CIRSR: variants seen among roughly 807,000 people sequenced by gnomAD.
The protein encoded by CIRSR is CBF1 (RBPJ) interacting corepressor 1.
At chr2:174,392,456 G>T in the CIRSR span, among the ~76,000 whole-genome samples, 1 of 152,216 alleles carries the variant, frequency 6.6e-6, no homozygotes, top group Non-Finnish European at 1.5e-5. Context: ...AATGAAAAAT[G>T]ACTATTCTGA....
chr2:174,380,611 A>T, the CIRSR span: 1 of 1,552,172 alleles, frequency 6.4e-7, no homozygotes, highest in Non-Finnish European at 8.8e-7. Flanking sequence ...ATGTAAACTT[A>T]ATGATACATA....
At chr2:174,363,919 A>G in the CIRSR span, among the ~76,000 whole-genome samples, 2 of 152,184 alleles carry the variant, frequency 1.3e-5, no homozygotes, top group African/African-American at 4.8e-5. Flanking sequence ...CCCTTCCCCA[A>G]TCTCACATCC....
At chr2:174,369,969 T>C in the CIRSR span, 1 of 1,364,338 alleles carries the variant, frequency 7.3e-7, no homozygotes. Flanking sequence ...CTGATAGATT[T>C]GCTCAGCACA....
the CIRSR span, chr2:174,351,731 C>G: frequency 1.2e-6 from 2 of 1,606,854 alleles, no homozygotes; most frequent in Non-Finnish European, 1.7e-6. Context: ...TGGCCCTGTT[C>G]ACAAAAATCA....
At chr2:174,378,373 T>C in the CIRSR span, among the ~76,000 whole-genome samples, 4 of 152,218 alleles carry the variant, frequency 2.6e-5, no homozygotes, top group Non-Finnish European at 2.9e-5. Flanking sequence ...AAAGCACTAA[T>C]AAATTTAAGT....
At chr2:174,349,109 C>T in the CIRSR span, 119 of 1,511,800 alleles carry the variant, frequency 7.9e-5, no homozygotes, top group Non-Finnish European at 1.0e-4. Context: ...TACTTCTGCT[C>T]TTCTGAAACT....
chr2:174,370,908 C>T, the CIRSR span, among the ~76,000 whole-genome samples: 32 of 68,178 alleles, frequency 4.7e-4, no homozygotes, highest in African/African-American at 1.3e-3. Flanking sequence ...GAGACTCCGT[C>T]TCAAAAAAAA....
chr2:174,355,242 A>C, the CIRSR span, among the ~76,000 whole-genome samples: 1 of 152,318 alleles, frequency 6.6e-6, no homozygotes, highest in African/African-American at 2.4e-5. Context: ...TTACACAAAT[A>C]TGTTCAAATG....
the CIRSR span, chr2:174,380,668 T>C: frequency 5.6e-6 from 9 of 1,612,322 alleles, no homozygotes; most frequent in Non-Finnish European, 7.6e-6. Context: ...GTGGGGCTCC[T>C]TTCTGCCATT....
chr2:174,367,889 A>C, the CIRSR span, among the ~76,000 whole-genome samples: 1 of 152,156 alleles, frequency 6.6e-6, no homozygotes, highest in Non-Finnish European at 1.5e-5. Context: ...AAAAAGATAT[A>C]CCATGCTAAC....
At chr2:174,390,623 G>A in the CIRSR span, among the ~76,000 whole-genome samples, 1 of 152,176 alleles carries the variant, frequency 6.6e-6, no homozygotes, top group African/African-American at 2.4e-5. Context: ...GGGCTGGGGT[G>A]GAATGGTATG....
chr2:174,380,613 T>C, the CIRSR span: 1 of 1,557,574 alleles, frequency 6.4e-7, no homozygotes. Context: ...GTAAACTTAA[T>C]GATACATATC....
chr2:174,372,382 G>A, the CIRSR span, among the ~76,000 whole-genome samples: 5 of 151,908 alleles, frequency 3.3e-5, no homozygotes, highest in African/African-American at 1.2e-4. Flanking sequence ...TTTTCTAAAA[G>A]TATCTGTCTC....
At chr2:174,355,940 G>A in the CIRSR span, among the ~76,000 whole-genome samples, 4 of 151,880 alleles carry the variant, frequency 2.6e-5, no homozygotes, top group Non-Finnish European at 4.4e-5. Flanking sequence ...CAAACACTAG[G>A]TCCATCTGCT....
the CIRSR span, among the ~76,000 whole-genome samples, chr2:174,351,272 A>G: frequency 2.4e-4 from 37 of 152,242 alleles, no homozygotes; most frequent in East Asian, 6.4e-3. Flanking sequence ...TATTTTCTAC[A>G]ATTTTTAGGA....
the CIRSR span, among the ~76,000 whole-genome samples, chr2:174,359,327 T>A: frequency 1.3e-5 from 1 of 77,500 alleles, no homozygotes; most frequent in African/African-American, 3.7e-5. Flanking sequence ...GACCAGTGCA[T>A]TTTACTTAAA....
At chr2:174,381,442 C>T in the CIRSR span, among the ~76,000 whole-genome samples, 1 of 152,036 alleles carries the variant, frequency 6.6e-6, no homozygotes, top group Non-Finnish European at 1.5e-5. Flanking sequence ...ATCACGAGGT[C>T]AGGAGTTCAA....
chr2:174,392,100 C>T, the CIRSR span, among the ~76,000 whole-genome samples: 4 of 152,144 alleles, frequency 2.6e-5, no homozygotes, highest in African/African-American at 7.2e-5. Context: ...CGGGTTCATG[C>T]GATTCTCCCA....
At chr2:174,381,992 C>G in the CIRSR span, among the ~76,000 whole-genome samples, 1 of 152,146 alleles carries the variant, frequency 6.6e-6, no homozygotes, top group African/African-American at 2.4e-5. Context: ...CTGAGACTTT[C>G]TTACTACCTG....
Sources: gnomAD v4.1 joint callset for allele counts (sites outside exome capture counted in the v4.1 genomes callset) on GRCh38, gnomAD v4.1.1 for gene constraint, MANE v1.5 for transcripts, NCBI Gene and HGNC (gene_info 2026-07-23, HGNC 2026-07-21) for gene names.